Variants in TBC1D22A observed in about 807,000 individuals in gnomAD.
TBC1D22A encodes the protein TBC1 domain family member 22A, also known as putative GTPase activator.
In TBC1D22A, 38 loss-of-function variants were observed where a neutral mutation model predicts 60.2. That is an observed-to-expected ratio of 0.63 (90% CI 0.49 to 0.83). The LOEUF (loss-of-function observed/expected upper bound fraction) is 0.83. Ranked by LOEUF, TBC1D22A falls within the 40% of genes least tolerant of loss-of-function variation. TBC1D22A has a pLI of 0.00. For missense variants in TBC1D22A, 628 were observed against 701.0 expected (o/e 0.90, Z 1.18); for synonymous variants, 302 against 281.7 (o/e 1.07, Z -0.72).
chr22:46,881,378 G>T (rs993544197), intron 5 of TBC1D22A, among the ~76,000 whole-genome samples: 22 of 152,190 alleles, frequency 1.4e-4, no homozygotes, highest in Non-Finnish European at 2.9e-4. Flanking sequence ...GATAGTAGAA[G>T]GCCTGCCTTT....
chr22:47,011,331 C>A (rs748230763), intron 10 of TBC1D22A, among the ~76,000 whole-genome samples: 1 of 152,152 alleles, frequency 6.6e-6, no homozygotes, highest in African/African-American at 2.4e-5. Context: ...CCACTCCCCG[C>A]GCTTCCTCCT....
At chr22:46,846,966 G>A (rs1166683723) in intron 4 of TBC1D22A, among the ~76,000 whole-genome samples, 1 of 152,318 alleles carries the variant, frequency 6.6e-6, no homozygotes, top group Middle Eastern at 3.4e-3. Flanking sequence ...GCCGTCGAGA[G>A]ACTGTTTAGG....
chr22:46,905,601 G>A (rs1270807021), intron 7 of TBC1D22A, among the ~76,000 whole-genome samples: 1 of 152,222 alleles, frequency 6.6e-6, no homozygotes, highest in African/African-American at 2.4e-5. Flanking sequence ...TGGCGGGTGG[G>A]GGACAGGCGG....
At position 47,009,777 on chromosome 22, in the gene TBC1D22A, A is replaced by C. The variant is rs980989234; in HGVS notation, c.1201+12068A>C. 6.6e-6 allele frequency among the ~76,000 whole-genome samples: 1 copy of C among 152,200 alleles called. No homozygotes were observed. The highest frequency in any genetic ancestry group is 2.4e-5 in the African/African-American group (1 of 41,456). On this transcript the variant is annotated intron_variant, in intron 10 of 12. Transcript: ENST00000337137. The surrounding 1 kb of genome is among the most constrained non-coding windows in gnomAD (Gnocchi z 5.8). ...ACAAACTGTACAGCAGGATGGGTCC[A>C]TGGTGGGGCTGAGTGTTGGAAGTTT...
chr22:47,173,563 G>C lies in TBC1D22A; in HGVS notation c.1491G>C (p.Leu497Phe). Residue 497 changes from leucine (L) to phenylalanine (F), a missense_variant, in exon 13 of 13, where the codon TTG becomes TTC. Transcript: ENST00000337137. ...AHWDDEDISL[L>F]LAEAYRLKFA... ...GGGATGATGAGGACATCAGCCTGTT[G>C]CTGGCCGAGGCCTACCGCCTCAAGT... is the stretch of plus-strand genomic sequence containing the variant. The C allele has an allele frequency of 6.2e-7, 1 of 1,614,134 alleles. No individual in the cohort carries two copies. The highest frequency in any genetic ancestry group is 8.5e-7 in the Non-Finnish European group (1 of 1,180,018).
intron 11 of TBC1D22A, among the ~76,000 whole-genome samples, chr22:47,049,910 C>G (rs978889086): frequency 6.6e-6 from 1 of 152,166 alleles, no homozygotes; most frequent in African/African-American, 2.4e-5. Flanking sequence ...GCAGGGTGAA[C>G]GGGTCCCCCT....
intron 4 of TBC1D22A, among the ~76,000 whole-genome samples, chr22:46,864,425 G>C (rs2066954973): frequency 6.6e-6 from 1 of 152,204 alleles, no homozygotes; most frequent in Non-Finnish European, 1.5e-5. Context: ...AGGGAAACCA[G>C]TTTCCCTCCT....
At chr22:46,844,007 T>G (rs1326245807) in intron 4 of TBC1D22A, among the ~76,000 whole-genome samples, 4 of 151,662 alleles carry the variant, frequency 2.6e-5, no homozygotes, top group African/African-American at 9.7e-5. Flanking sequence ...GTGGGGTTGT[T>G]CGGTCTTGAG....
chr22:46,959,883 G>A (rs556009273), intron 8 of TBC1D22A, among the ~76,000 whole-genome samples: 2 of 152,122 alleles, frequency 1.3e-5, no homozygotes, highest in Non-Finnish European at 2.9e-5. Context: ...CTTGGCCCTC[G>A]AAACTGACTG....
intron 12 of TBC1D22A, among the ~76,000 whole-genome samples, chr22:47,144,915 G>A (rs1363705641): frequency 6.6e-6 from 1 of 152,130 alleles, no homozygotes; most frequent in African/African-American, 2.4e-5. Context: ...GAAGGTGCCT[G>A]CTGGCTGAGA....
intron 7 of TBC1D22A, among the ~76,000 whole-genome samples, chr22:46,906,360 G>A (rs1036734917): frequency 2.0e-5 from 3 of 152,208 alleles, no homozygotes; most frequent in African/African-American, 7.2e-5. Flanking sequence ...ACAGCTCTGT[G>A]TGGTTTGTGG....
chr22:46,990,767 C>T lies in TBC1D22A; in HGVS notation c.1126-6867C>T, dbSNP rs1417960627. ...CCTTTTCATCCCACTGCTCCTGCTG[C>T]GGTGGCTTCTCTCCCCGTTGGCTTG... On this transcript the variant is annotated intron_variant, in intron 9 of 12. Coordinates refer to ENST00000337137, the MANE Select transcript of TBC1D22A (RefSeq NM_014346.5). This position sits in a 1 kb window ranked among gnomAD's most constrained non-coding sequence, Gnocchi z 4.6. Among the ~76,000 whole-genome samples, 1 of 152,202 alleles carries T rather than the reference C, an allele frequency of 6.6e-6. No homozygotes were observed. Among genetic ancestry groups the T allele is most frequent in the Non-Finnish European group, 1.5e-5 (1 of 68,046 alleles).
At chr22:46,784,053 C>T (rs1044147693) in intron 1 of TBC1D22A, among the ~76,000 whole-genome samples, 6 of 152,114 alleles carry the variant, frequency 3.9e-5, no homozygotes, top group Admixed American at 1.3e-4. Flanking sequence ...TGACTAATAT[C>T]CTTTTTTTTG....
chr22:46,972,154 C>T (rs1445312908), intron 8 of TBC1D22A, among the ~76,000 whole-genome samples: 9 of 152,192 alleles, frequency 5.9e-5, no homozygotes, highest in Non-Finnish European at 8.8e-5. Context: ...ACAATGGTGT[C>T]CTTCACAAGC....
intron 4 of TBC1D22A, among the ~76,000 whole-genome samples, chr22:46,875,701 T>C (rs1054773942): frequency 6.6e-6 from 1 of 152,222 alleles, no homozygotes; most frequent in African/African-American, 2.4e-5. Flanking sequence ...TCTACCCACC[T>C]TGGCCTCCCA....
chr22:46,822,708 G>A (rs2085883232), intron 4 of TBC1D22A, among the ~76,000 whole-genome samples: 1 of 152,124 alleles, frequency 6.6e-6, no homozygotes. Flanking sequence ...CCTGTTGGAG[G>A]GTCCCACCCA....
chr22:47,171,603 G>T (rs1439808537), intron 12 of TBC1D22A, among the ~76,000 whole-genome samples: 1 of 152,156 alleles, frequency 6.6e-6, no homozygotes, highest in Admixed American at 6.5e-5. Flanking sequence ...AGGCTGTCTT[G>T]GCCACTCAGC....
chr22:46,885,663 C>T (rs2147550655), intron 5 of TBC1D22A, among the ~76,000 whole-genome samples: 1 of 152,224 alleles, frequency 6.6e-6, no homozygotes, highest in African/African-American at 2.4e-5. Flanking sequence ...AAGCTTGTTT[C>T]ACTCAGGTCT....
intron 11 of TBC1D22A, among the ~76,000 whole-genome samples, chr22:47,107,304 A>G (rs1327674027): frequency 6.6e-6 from 1 of 152,172 alleles, no homozygotes; most frequent in African/African-American, 2.4e-5. Flanking sequence ...ATGTGAATTA[A>G]CCTGAATGTA....
Sources: allele counts gnomAD v4.1 joint callset (sites outside exome capture counted in the v4.1 genomes callset), GRCh38; gene constraint gnomAD v4.1.1; non-coding constraint Gnocchi (gnomAD v3.1); transcripts MANE v1.5; gene names NCBI Gene and HGNC (gene_info 2026-07-23, HGNC 2026-07-21).